Variants in DMD observed in about 807,000 individuals in gnomAD.
DMD encodes the protein mutant dystrophin.
A neutral mutation model predicts 330.1 loss-of-function variants in DMD; 63 were observed. The observed-to-expected ratio is 0.19, with a 90% confidence interval of 0.16 to 0.24. The LOEUF (loss-of-function observed/expected upper bound fraction) is 0.24. Among genes scored for constraint, DMD ranks in the 10% least tolerant of loss-of-function variants. The probability of loss-of-function intolerance (pLI) is 1.00; values close to 1 mark genes in which losing one functional copy is unlikely to be tolerated. For synonymous variants in DMD, 1,223 were observed against 959.8 expected (o/e 1.27, Z -5.07); for missense variants, 3,344 against 2,684.1 (o/e 1.25, Z -5.43).
At chrX:32,748,429 T>A (rs760995607) in intron 7 of DMD, among the ~76,000 whole-genome samples, 23 of 110,164 alleles carry the variant, frequency 2.1e-4, no homozygotes, top group Non-Finnish European at 4.0e-4. Flanking sequence ...GTTATACAGA[T>A]AAGAAAACTG....
At chrX:33,019,756 CT>C (rs769934269) in intron 2 of DMD, among the ~76,000 whole-genome samples, 5 of 111,339 alleles carry the variant, frequency 4.5e-5, no homozygotes, top group Admixed American at 9.6e-5. Context: ...TTTTCTTGAA[CT>C]TGGTAAAGAC....
At position 32,656,479 on chromosome X, in the gene DMD, C is replaced by T. The variant is rs1015791106; in HGVS notation, c.961-11327G>A. Among the ~76,000 whole-genome samples, 6 of 112,051 alleles carry T rather than the reference C, an allele frequency of 5.4e-5. No homozygotes were observed. In the East Asian group the frequency reaches 1.4e-3, roughly 26 times the overall value. ...CATCCTTGTGTTTTTGTTAGTGCCA[C>T]GAAACCTACAGCAATCTCATATACT... On this transcript the variant is annotated intron_variant, in intron 9 of 78. Transcript: ENST00000357033.
Position 31,467,682 on chromosome X carries a change from A to G in DMD, c.8937+10424T>C, listed in dbSNP as rs888493919. The stretch of plus-strand genomic sequence containing the variant: ...TATCAGGATGATGCTGGCCTCATAA[A>G]AAGAGTTAGGGAGGAGTCCCTCTTT... On this transcript the variant is annotated intron_variant, in intron 59 of 78. Coordinates refer to ENST00000357033, the MANE Select transcript of DMD (RefSeq NM_004006.3). Among the ~76,000 whole-genome samples, 4 of 112,004 alleles carry G rather than the reference A, an allele frequency of 3.6e-5. No individual in the cohort carries two copies. In the East Asian group the frequency reaches 8.4e-4, roughly 24 times the overall value.
rs748474808 is a variant in DMD, at chrX:31,682,200, T to G, written c.7661-2614A>C. Among the ~76,000 whole-genome samples the G allele has an allele frequency of 1.8e-3, 204 of 112,479 alleles. 2 individuals are homozygous for G. Among genetic ancestry groups the G allele is most frequent in the African/African-American group, 6.1e-3 (188 of 31,010 alleles). ...TCAAAAATATAGTCCCCAGAATAAT[T>G]AAAACTCAGTAAGTGGCACACATTA... is the stretch of plus-strand genomic sequence containing the variant. On this transcript the variant is annotated intron_variant, in intron 52 of 78. Transcript: ENST00000357033.
At chrX:31,553,114 G>A (rs1232574065) in intron 55 of DMD, among the ~76,000 whole-genome samples, 1 of 111,667 alleles carries the variant, frequency 9.0e-6, no homozygotes, top group African/African-American at 3.3e-5. Context: ...AAATTCTCAG[G>A]CCCCATCCCA....
chrX:32,080,690 A>G (rs1409721124), intron 44 of DMD, among the ~76,000 whole-genome samples: 2 of 112,060 alleles, frequency 1.8e-5, no homozygotes, highest in African/African-American at 6.5e-5. Context: ...TTTCCCTTCA[A>G]TAAAGAACTT....
chrX:32,362,961 A>G lies in DMD; in HGVS notation c.5155-3T>C. On this transcript the variant is annotated splice_polypyrimidine_tract_variant and splice_region_variant and intron_variant, in intron 36 of 78. Coordinates refer to ENST00000357033, the MANE Select transcript of DMD (RefSeq NM_004006.3). Reference sequence around the variant, plus strand: ...TCATTCAGTTCTGCCTTTAAACGCTATATTCCATGAGCAAGAGATAGGACT... The same window carrying G: ...TCATTCAGTTCTGCCTTTAAACGCTGTATTCCATGAGCAAGAGATAGGACT... 8.3e-7 allele frequency: 1 copy of G among 1,205,492 alleles called. No homozygotes were observed.
At position 33,012,417 on chromosome X, in the gene DMD, C is replaced by G. The variant is rs1000500007; in HGVS notation, c.93+7722G>C. Among the ~76,000 whole-genome samples, 4 of 111,424 alleles carry G rather than the reference C, an allele frequency of 3.6e-5. No homozygotes were observed. In the Admixed American group the frequency reaches 3.8e-4, roughly 11 times the overall value. On this transcript the variant is annotated intron_variant, in intron 2 of 78. Transcript: ENST00000357033. ...TAATATTCAAATAATCATGTAAACA[C>G]AATAATTTGTTTATGAGTAGTAGAA...
At chrX:32,299,937 G>C (rs2097515269) in intron 42 of DMD, among the ~76,000 whole-genome samples, 1 of 111,295 alleles carries the variant, frequency 9.0e-6, no homozygotes, top group African/African-American at 3.3e-5. Context: ...TTCTTTTCAT[G>C]ATTTCAGTTA....
chrX:31,326,255 A>T (rs1569526734), intron 61 of DMD, among the ~76,000 whole-genome samples: 1 of 111,085 alleles, frequency 9.0e-6, no homozygotes, highest in Non-Finnish European at 1.9e-5. Context: ...AAAGGGGAAA[A>T]TTTTCAATTA....
intron 50 of DMD, among the ~76,000 whole-genome samples, chrX:31,774,714 T>C (rs1043260210): frequency 7.1e-5 from 8 of 112,016 alleles, no homozygotes; most frequent in Admixed American, 5.7e-4. Flanking sequence ...AACGTTCTTG[T>C]CTTAGCTCTG....
intron 63 of DMD, among the ~76,000 whole-genome samples, chrX:31,258,557 T>A (rs2050194566): frequency 8.9e-6 from 1 of 112,502 alleles, no homozygotes; most frequent in Non-Finnish European, 1.9e-5. Flanking sequence ...ACACTTACGA[T>A]GACTTCCTTT....
At chrX:32,796,648 A>C (rs765728304) in intron 7 of DMD, among the ~76,000 whole-genome samples, 17 of 112,124 alleles carry the variant, frequency 1.5e-4, no homozygotes, top group African/African-American at 5.5e-4. Flanking sequence ...AAAGTAATGA[A>C]TACCCCAAAT....
chrX:31,689,309 T>C (rs985929855), intron 52 of DMD, among the ~76,000 whole-genome samples: 2 of 112,103 alleles, frequency 1.8e-5, no homozygotes, highest in African/African-American at 6.5e-5. Context: ...ATCACAAGCA[T>C]TCTTATACAC....
intron 30 of DMD, among the ~76,000 whole-genome samples, chrX:32,395,407 C>T (rs139432624): frequency 0.013 from 953 of 70,711 alleles, 8 homozygotes; most frequent in South Asian, 0.076. Context: ...TAACATCACA[C>T]ACCAGGGCCT....
At chrX:31,784,895 C>T (rs764160226) in intron 50 of DMD, among the ~76,000 whole-genome samples, 17 of 111,796 alleles carry the variant, frequency 1.5e-4, no homozygotes, top group Non-Finnish European at 2.8e-4. Context: ...TTATGATGGG[C>T]TGATTGGGAT....
rs61261168 is a variant in DMD, at chrX:33,109,490, C to A, written c.32-89290G>T. Among the ~76,000 whole-genome samples the A allele has an allele frequency of 7.2e-3, 798 of 111,375 alleles. 7 individuals are homozygous for A. Among genetic ancestry groups the A allele is most frequent in the African/African-American group, 0.025 (764 of 30,677 alleles). ...TCACATTGACATTTCTCCCAGAAAG[C>A]CAAATAAAGCACACATTTAGAAAGC... is the stretch of plus-strand genomic sequence containing the variant. On this transcript the variant is annotated intron_variant, in intron 1 of 78. Transcript: ENST00000357033.
chrX:32,811,179 A>G (rs1252622399), intron 6 of DMD, among the ~76,000 whole-genome samples: 5 of 71,530 alleles, frequency 7.0e-5, no homozygotes, highest in Admixed American at 1.4e-4. Context: ...ACAACTTATT[A>G]AAAAAAAAAA....
At chrX:33,302,598 T>G (rs2053682265) in intron 1 of DMD, among the ~76,000 whole-genome samples, 1 of 111,586 alleles carries the variant, frequency 9.0e-6, no homozygotes, top group Admixed American at 9.6e-5. Context: ...GTGTTGCACA[T>G]TTTTTAAAGA....
Sources: gnomAD v4.1 joint callset for allele counts (sites outside exome capture counted in the v4.1 genomes callset) on GRCh38, gnomAD v4.1.1 for gene constraint, MANE v1.5 for transcripts, NCBI Gene and HGNC (gene_info 2026-07-23, HGNC 2026-07-21) for gene names.